MIA3: variants seen among roughly 807,000 people sequenced by gnomAD.
MIA3 encodes the protein MIA SH3 domain ER export factor 3.
A neutral mutation model predicts 192.4 loss-of-function variants in MIA3; 90 were observed. The ratio of observed to expected loss-of-function variants is 0.47; its 90% CI spans 0.39 to 0.56. The LOEUF is 0.56. MIA3 is among the 20% of genes least tolerant of loss of function. The pLI is 0.00. For missense variants in MIA3, 2,123 were observed against 2,269.4 expected (o/e 0.94, Z 1.31); for synonymous variants, 740 against 792.8 (o/e 0.93, Z 1.12).
chr1:222,635,166 T>A (rs2124863019), intron 6 of MIA3, among the ~76,000 whole-genome samples: 1 of 152,374 alleles, frequency 6.6e-6, no homozygotes, highest in Middle Eastern at 3.4e-3. Flanking sequence ...GTGTGTATTA[T>A]CTTTGCAGTT....
At position 222,653,057 on chromosome 1, in the gene MIA3, A is replaced by C; in HGVS notation, c.4136A>C (p.Glu1379Ala). ...DWSKLHAELS[E>A]QIKSFEKSQK... ...AGTAAATTACATGCTGAGCTCAGTG[A>C]GCAAATCAAATCATTTGAGAAGTCT... Residue 1379 changes from glutamate (E) to alanine (A), a missense_variant, in exon 14 of 28, where the codon GAG (glutamate) becomes GCG (alanine). This residue lies in a region of MIA3 where 762 missense variants were observed against 856.4 expected (regional missense o/e 0.89). Transcript: ENST00000344922. 6.2e-7 allele frequency: 1 copy of C among 1,613,282 alleles called. No homozygotes were observed. Among genetic ancestry groups the C allele is most frequent in the Non-Finnish European group, 8.5e-7 (1 of 1,179,254 alleles).
chr1:222,634,410 A>G (rs1662542465), intron 6 of MIA3, among the ~76,000 whole-genome samples: 1 of 152,214 alleles, frequency 6.6e-6, no homozygotes, highest in African/African-American at 2.4e-5. Flanking sequence ...ATTGTACACC[A>G]TAGTGAGTGG....
At chr1:222,621,116 AT>A in intron 1 of MIA3, 42 bp from the exon 2 acceptor site, 1 of 1,542,210 alleles carries the variant, frequency 6.5e-7, no homozygotes, top group South Asian at 1.2e-5. Flanking sequence ...TGAACACTGA[AT>A]CCTGATATCT....
At chr1:222,659,570 G>T in intron 20 of MIA3, 52 bp from the exon 21 acceptor site, 1 of 1,610,040 alleles carries the variant, frequency 6.2e-7, no homozygotes, top group Non-Finnish European at 8.5e-7. Context: ...AACTAATAGA[G>T]GCTATTATAA....
chr1:222,638,568 G>A (rs1480986618), intron 6 of MIA3, among the ~76,000 whole-genome samples: 2 of 151,862 alleles, frequency 1.3e-5, no homozygotes, highest in South Asian at 2.1e-4. Flanking sequence ...ATGGTGGCAC[G>A]TGTCTGTAGT....
Position 222,653,028 on chromosome 1 carries a change from C to G in MIA3, c.4107C>G (p.Asp1369Glu). The G allele has an allele frequency of 1.2e-6, 2 of 1,611,540 alleles. No homozygotes were observed. The highest frequency in any genetic ancestry group is 1.7e-6 in the Non-Finnish European group (2 of 1,178,114). ...KKEQLQQEIE[D>E]WSKLHAELSE... ...TGCAGTTGCAGCAGGAAATCGAAGA[C>G]TGGAGTAAATTACATGCTGAGCTCA... is the stretch of plus-strand genomic sequence containing the variant. The change falls in exon 14 of 28, where the codon GAC (aspartate) becomes GAG (glutamate). Residue 1369 changes from aspartate to glutamate, a missense_variant. Asp to Glu is a conservative substitution (Grantham distance 45). Around this residue, in one of 3 missense-constraint regions of MIA3, gnomAD observed 762 missense variants for 856.4 expected, o/e 0.89. Coordinates refer to ENST00000344922, the MANE Select transcript of MIA3 (RefSeq NM_198551.4).
In MIA3 at chr1:222,665,598, G is replaced by A; in HGVS notation, c.5703G>A (p.Gln1901=). 1 of 1,603,348 alleles carries A rather than the reference G, an allele frequency of 6.2e-7. No individual in the cohort carries two copies. The highest frequency in any genetic ancestry group is 1.1e-5 in the South Asian group (1 of 89,656). ...AGAGCACTAGCCAGGACTGTTCACA[G>A]GCTTTAAAACAGAGCCCATAAAACT... ...ASQSTSQDCS[Q]ALKQSP Residue 1901 remains glutamine, a synonymous_variant, in exon 28 of 28, where the codon CAG becomes CAA. Transcript: ENST00000344922.
rs570189833 is a variant in MIA3 at position 222,641,801 on chromosome 1, C to T, written c.3478-3753C>T. On this transcript the variant is annotated intron_variant, in intron 6 of 27. Coordinates refer to ENST00000344922, the MANE Select transcript of MIA3 (RefSeq NM_198551.4). ...GTGGACAAGAACTCCATTTCCTGGT[C>T]CAGCTGGTTCTTGAGCATTTCTAGC... 2.2e-5 allele frequency: 12 copies of T among 549,112 alleles called. 1 individual carries two copies. The East Asian group carries it at 3.4e-4, about 16-fold the overall frequency. The allele number at this position is 549,112 out of a possible 1,614,324, so 34.0% of individuals were successfully genotyped here.
At chr1:222,639,623 A>T (rs989682945) in intron 6 of MIA3, among the ~76,000 whole-genome samples, 1 of 152,174 alleles carries the variant, frequency 6.6e-6, no homozygotes, top group African/African-American at 2.4e-5. Flanking sequence ...GACAAACTTT[A>T]AAAAGACAAT....
chr1:222,631,166 G>A (rs1380392106), intron 4 of MIA3, among the ~76,000 whole-genome samples: 1 of 150,032 alleles, frequency 6.7e-6, no homozygotes, highest in Non-Finnish European at 1.5e-5. Flanking sequence ...CTGTCACCCA[G>A]GCTGGAGTAC....
At chr1:222,665,091 G>A in intron 27 of MIA3, 1 of 542,040 alleles carries the variant, frequency 1.8e-6, no homozygotes, top group Admixed American at 3.3e-5. Flanking sequence ...CCCAGCTACT[G>A]GGGAGTCTGA....
At chr1:222,651,088 T>C (rs140778339) in intron 11 of MIA3, among the ~76,000 whole-genome samples, 185 bp downstream of exon 11, 2 of 152,260 alleles carry the variant, frequency 1.3e-5, no homozygotes, top group African/African-American at 4.8e-5. Context: ...CTTACAGGCC[T>C]AGGAAGTATT....
chr1:222,659,849 A>G (rs1437646409), intron 22 of MIA3, 48 bp downstream of exon 22: 2 of 1,606,676 alleles, frequency 1.2e-6, no homozygotes, highest in Admixed American at 1.7e-5. Flanking sequence ...TCTCTTAAGG[A>G]ATTGGTTTCT....
intron 6 of MIA3, among the ~76,000 whole-genome samples, chr1:222,636,132 G>A (rs79332970): frequency 0.13 from 19,214 of 152,156 alleles, 1,822 homozygotes; most frequent in African/African-American, 0.27. Context: ...AGCAGTTAAT[G>A]AAACTTCCAT....
chr1:222,654,743 A>G lies in MIA3; in HGVS notation c.4557A>G (p.Lys1519=). The change falls in exon 18 of 28, where the codon AAA becomes AAG. Residue 1519 remains lysine, a synonymous_variant. Transcript: ENST00000344922. The part of the protein sequence containing the change: ...LEDECKTLRQ[K]VEILNELYQQ... ...ATGAATGCAAAACCTTGAGGCAGAA[A>G]GTGGAGATTCTGAATGAGCTCTATC... The G allele has an allele frequency of 1.2e-6, 2 of 1,614,164 alleles. No homozygotes were observed. The highest frequency in any genetic ancestry group is 1.3e-5 in the African/African-American group (1 of 75,068).
intron 2 of MIA3, among the ~76,000 whole-genome samples, chr1:222,622,508 A>T (rs1164787754): frequency 6.6e-6 from 1 of 152,218 alleles, no homozygotes; most frequent in Non-Finnish European, 1.5e-5. Flanking sequence ...TGGGGAAAAT[A>T]GACTGATTTT....
At position 222,650,666 on chromosome 1, in the gene MIA3, C is replaced by G. The variant is rs752494453; in HGVS notation, c.3753C>G (p.Thr1251=). 1.9e-6 allele frequency: 3 copies of G among 1,596,646 alleles called. No individual in the cohort carries two copies. The highest frequency in any genetic ancestry group is 2.6e-6 in the Non-Finnish European group (3 of 1,169,696). Reference sequence around the variant, plus strand: ...AATCAAAGAAACATGTTCAGGAAACCAGGAAACAAAATATGATTCTCTCTG... The same window carrying G: ...AATCAAAGAAACATGTTCAGGAAACGAGGAAACAAAATATGATTCTCTCTG... The part of the protein sequence containing the change: ...IKESKKHVQE[T]RKQNMILSDE... Residue 1251 remains threonine, a synonymous_variant, in exon 10 of 28, where the codon ACC becomes ACG. Transcript: ENST00000344922.
chr1:222,628,449 A>C lies in MIA3; in HGVS notation c.1229A>C (p.Glu410Ala). ...TMDLESSSSE[E>A]EKEDDDDALV... ...GATTTAGAGAGCTCTAGTTCAGAGG[A>C]AGAAAAAGAAGATGATGATGATGCA... Residue 410 changes from glutamate to alanine, a missense_variant, in exon 4 of 28, where the codon GAA (glutamate) becomes GCA (alanine). Transcript: ENST00000344922. The C allele has an allele frequency of 6.2e-7, 1 of 1,612,598 alleles. No individual in the cohort carries two copies. Among genetic ancestry groups the C allele is most frequent in the Non-Finnish European group, 8.5e-7 (1 of 1,179,656 alleles).
Position 222,628,704 on chromosome 1 carries a change from T to C in MIA3, c.1484T>C (p.Val495Ala), listed in dbSNP as rs1662240056. Residue 495 changes from valine to alanine, a missense_variant, in exon 4 of 28, where the codon GTG becomes GCG. By Grantham distance (64) the Val-to-Ala change is moderately conservative. Transcript: ENST00000344922. ...GATGAAAATCAAGAAGGCATGACTGTGCACAGTTCTGTTCACAGCAATAAC... is the reference window on the plus strand; with the variant it reads ...GATGAAAATCAAGAAGGCATGACTGCGCACAGTTCTGTTCACAGCAATAAC... Reference protein sequence around the residue: ...LEDENQEGMTVHSSVHSNNLN... With the variant: ...LEDENQEGMTAHSSVHSNNLN... 6 of 1,614,044 alleles carry C rather than the reference T, an allele frequency of 3.7e-6. No individual in the cohort carries two copies. The highest frequency in any genetic ancestry group is 4.2e-6 in the Non-Finnish European group (5 of 1,180,044).
Sources: allele counts gnomAD v4.1 joint callset (sites outside exome capture counted in the v4.1 genomes callset), GRCh38; gene constraint gnomAD v4.1.1; regional missense constraint gnomAD v4.1.1; transcripts MANE v1.5; gene names NCBI Gene and HGNC (gene_info 2026-07-23, HGNC 2026-07-21).